Variants in TRDN observed in about 807,000 individuals in gnomAD.
TRDN encodes triadin in skeletal muscle.
Under a neutral mutation model 149.7 loss-of-function variants are expected in TRDN, and 161 were observed. That is an observed-to-expected ratio of 1.08 (90% CI 0.95 to 1.23). The LOEUF (loss-of-function observed/expected upper bound fraction) is 1.23. Ranked by LOEUF, TRDN falls within the 50% of genes most tolerant of loss-of-function variation. The probability of loss-of-function intolerance (pLI) is 0.00; values close to 1 mark genes in which losing one functional copy is unlikely to be tolerated. For synonymous variants in TRDN, 294 were observed against 250.5 expected, an observed-to-expected ratio of 1.17 and a Z score of -1.64; for missense variants, 896 against 823.5, an observed-to-expected ratio of 1.09 and a Z score of -1.08.
Position 123,601,790 on chromosome 6 carries a change from AATATT to A in TRDN, c.23-30663_23-30659del, listed in dbSNP as rs374144439. 4.5e-3 allele frequency among the ~76,000 whole-genome samples: 688 copies of A among 152,276 alleles called. 5 individuals are homozygous for A. Among genetic ancestry groups the A allele is most frequent in the African/African-American group, 0.015 (638 of 41,572 alleles). The stretch of plus-strand genomic sequence containing the variant: ...GTTTTTACTTGTTTGTTAGGTTAAC[AATATT>A]ATATTAATACATTTGTGCAACACTT... On this transcript the variant is annotated intron_variant, in intron 1 of 40. Transcript: ENST00000334268.
chr6:123,316,363 T>G (rs1168893708), intron 24 of TRDN, 94 bp downstream of exon 24: 6 of 1,231,524 alleles, frequency 4.9e-6, no homozygotes, highest in Non-Finnish European at 7.1e-6. Context: ...TGTCTAAATA[T>G]TTTATCCAGC....
intron 20 of TRDN, among the ~76,000 whole-genome samples, chr6:123,356,088 T>G (rs555303366): frequency 6.6e-6 from 1 of 151,904 alleles, no homozygotes; most frequent in South Asian, 2.1e-4. Flanking sequence ...TATTTCTTAC[T>G]TCTCTATTTG....
chr6:123,538,881 G>C (rs1056123570), intron 4 of TRDN, among the ~76,000 whole-genome samples: 1 of 151,994 alleles, frequency 6.6e-6, no homozygotes, highest in Admixed American at 6.6e-5. Context: ...CTATAAATGA[G>C]ATATCATTTC....
intron 1 of TRDN, among the ~76,000 whole-genome samples, chr6:123,574,164 G>A (rs1010217667): frequency 6.6e-6 from 1 of 151,842 alleles, no homozygotes; most frequent in Non-Finnish European, 1.5e-5. Flanking sequence ...AAGCTGATAA[G>A]GAACATCGGA....
intron 9 of TRDN, among the ~76,000 whole-genome samples, chr6:123,482,483 T>G (rs1311530547): frequency 2.0e-5 from 3 of 152,232 alleles, no homozygotes; most frequent in Non-Finnish European, 4.4e-5. Flanking sequence ...TAATTGATAC[T>G]ATGTTGTCAT....
At chr6:123,579,506 C>T (rs1020232170) in intron 1 of TRDN, among the ~76,000 whole-genome samples, 17 of 152,006 alleles carry the variant, frequency 1.1e-4, no homozygotes, top group Admixed American at 2.0e-4. Flanking sequence ...TGATAGTGAT[C>T]GATTAGCTTT....
chr6:123,249,696 A>T (rs186303338), intron 38 of TRDN, among the ~76,000 whole-genome samples: 58 of 152,284 alleles, frequency 3.8e-4, no homozygotes, highest in African/African-American at 1.3e-3. Flanking sequence ...CAAATTTATC[A>T]TGCATTATCA....
intron 29 of TRDN, among the ~76,000 whole-genome samples, chr6:123,272,496 A>T (rs972908402): frequency 2.0e-5 from 3 of 151,856 alleles, no homozygotes; most frequent in African/African-American, 7.2e-5. Context: ...GACCAGGAAT[A>T]AAAAGAAAAT....
intron 22 of TRDN, among the ~76,000 whole-genome samples, chr6:123,335,038 A>T (rs947647702): frequency 6.6e-6 from 1 of 152,020 alleles, no homozygotes; most frequent in African/African-American, 2.4e-5. Context: ...TGATTCTGCC[A>T]CAGCTTAGCA....
At chr6:123,569,413 C>T (rs1782448339) in intron 2 of TRDN, among the ~76,000 whole-genome samples, 1 of 152,138 alleles carries the variant, frequency 6.6e-6, no homozygotes, top group African/African-American at 2.4e-5. Context: ...TGCCCATTAC[C>T]CAGTTCCCAA....
chr6:123,490,948 G>GA (rs1032047974), intron 9 of TRDN, among the ~76,000 whole-genome samples: 1 of 151,614 alleles, frequency 6.6e-6, no homozygotes, highest in Admixed American at 6.6e-5. Flanking sequence ...ACTAAAAATA[G>GA]AAAAAAAATT....
intron 12 of TRDN, among the ~76,000 whole-genome samples, chr6:123,395,918 A>G (rs1292080145): frequency 6.6e-6 from 1 of 152,132 alleles, no homozygotes; most frequent in Non-Finnish European, 1.5e-5. Flanking sequence ...CTACTACATG[A>G]TCTACATCTC....
chr6:123,363,590 C>T (rs9398728), intron 20 of TRDN, among the ~76,000 whole-genome samples: 127,942 of 151,738 alleles, frequency 0.84, 54,829 homozygotes, highest in Middle Eastern at 0.93. Context: ...ATAATGCATG[C>T]GAATAGATAG....
At position 123,366,287 on chromosome 6, in the gene TRDN, T is replaced by C. The variant is rs7769808; in HGVS notation, c.1274-105A>G. 998,906 of 1,090,214 alleles carry C rather than the reference T, an allele frequency of 0.92. 458,098 individuals are homozygous for C. The highest frequency in any genetic ancestry group is 1 in the East Asian group (37,839 of 37,954). The allele number at this position is 1,090,214 out of a possible 1,614,324, so 67.5% of individuals were successfully genotyped here. A position where few individuals can be genotyped will look rare whatever the true frequency, so the allele number is the denominator to read the frequency against. ...TTAAAGATAAAATGTATGTTGCACA[T>C]GAGAGCAAAGCAAGCTGTAGAGAAA... On this transcript the variant is annotated intron_variant, in intron 19 of 40. Transcript: ENST00000334268.
intron 10 of TRDN, among the ~76,000 whole-genome samples, chr6:123,452,663 A>G (rs1172440612): frequency 6.6e-6 from 1 of 152,182 alleles, no homozygotes; most frequent in East Asian, 1.9e-4. Context: ...TCTTGGGAAA[A>G]TGACCATACT....
chr6:123,506,187 T>C (rs1306270707), intron 7 of TRDN, among the ~76,000 whole-genome samples: 1 of 152,168 alleles, frequency 6.6e-6, no homozygotes, highest in African/African-American at 2.4e-5. Flanking sequence ...AAAACACTTC[T>C]AGAGAGTCTA....
chr6:123,476,576 A>G (rs1207907826), intron 9 of TRDN, among the ~76,000 whole-genome samples: 26 of 142,638 alleles, frequency 1.8e-4, no homozygotes, highest in South Asian at 2.4e-4. Flanking sequence ...GTTCATATGG[A>G]ACCAAAAAAG....
At chr6:123,232,062 T>C (rs1399337877) in intron 38 of TRDN, among the ~76,000 whole-genome samples, 1 of 151,990 alleles carries the variant, frequency 6.6e-6, no homozygotes, top group African/African-American at 2.4e-5. Context: ...TTTTGGGTCT[T>C]ATCCACAAAG....
At chr6:123,341,990 A>T (rs1476056649) in intron 21 of TRDN, among the ~76,000 whole-genome samples, 1 of 151,970 alleles carries the variant, frequency 6.6e-6, no homozygotes, top group Admixed American at 6.6e-5. Context: ...CTCTTGAAAC[A>T]ATCTAAATAA....
Sources: gnomAD v4.1 joint callset for allele counts (sites outside exome capture counted in the v4.1 genomes callset) on GRCh38, gnomAD v4.1.1 for gene constraint, MANE v1.5 for transcripts, NCBI Gene and HGNC (gene_info 2026-07-23, HGNC 2026-07-21) for gene names.